Variants in GRM8 observed in about 807,000 individuals in gnomAD.
The protein encoded by GRM8 is metabotropic glutamate receptor 8.
GRM8 carries 47 observed loss-of-function variants against 87.2 expected under a neutral mutation model. The observed-to-expected ratio is 0.54, with a 90% CI of 0.43 to 0.69. The LOEUF (loss-of-function observed/expected upper bound fraction) is 0.69, where lower values mean the gene tolerates loss of function less well. Ranked by LOEUF, GRM8 falls within the 30% of genes least tolerant of loss-of-function variation. The pLI is 0.00. For synonymous variants in GRM8, 396 were observed against 404.5 expected, an observed-to-expected ratio of 0.98 and a Z score of 0.25; for missense variants, 1,019 against 1,139.2, an observed-to-expected ratio of 0.89 and a Z score of 1.52.
chr7:127,090,506 C>T (rs1275640194), intron 3 of GRM8, among the ~76,000 whole-genome samples: 7 of 152,122 alleles, frequency 4.6e-5, no homozygotes, highest in African/African-American at 1.7e-4. Flanking sequence ...ATTTTGCATC[C>T]ACTCTATTTG....
chr7:126,953,459 G>A (rs1002728960), intron 3 of GRM8, among the ~76,000 whole-genome samples: 12 of 152,056 alleles, frequency 7.9e-5, no homozygotes, highest in Admixed American at 4.6e-4. Flanking sequence ...GTGAAATACC[G>A]CCACTACATT....
chr7:126,496,898 C>T (rs1808832277), intron 9 of GRM8, among the ~76,000 whole-genome samples: 1 of 151,662 alleles, frequency 6.6e-6, no homozygotes, highest in Admixed American at 6.6e-5. Context: ...AAACAGCATA[C>T]ATGCACTGTA....
intron 9 of GRM8, among the ~76,000 whole-genome samples, chr7:126,518,233 T>C (rs1290856816): frequency 6.6e-6 from 1 of 152,116 alleles, no homozygotes; most frequent in Non-Finnish European, 1.5e-5. Context: ...AATAAGAGAT[T>C]ACTTTACACA....
chr7:126,994,824 T>G (rs1457607316), intron 3 of GRM8, among the ~76,000 whole-genome samples: 1 of 152,158 alleles, frequency 6.6e-6, no homozygotes, highest in East Asian at 1.9e-4. Flanking sequence ...GGAAACTGAC[T>G]GCCCTGAAGG....
intron 6 of GRM8, among the ~76,000 whole-genome samples, chr7:126,819,570 T>C (rs1479195918): frequency 1.3e-5 from 2 of 152,132 alleles, no homozygotes; most frequent in East Asian, 3.9e-4. Context: ...ATATAATAAA[T>C]ATTCAATAAA....
chr7:127,137,489 C>T (rs144538668), intron 2 of GRM8, among the ~76,000 whole-genome samples: 1 of 152,080 alleles, frequency 6.6e-6, no homozygotes, highest in Non-Finnish European at 1.5e-5. Flanking sequence ...TTGGTAATTG[C>T]AGTTGGCTCC....
At chr7:126,449,417 C>T (rs370066471) in intron 9 of GRM8, among the ~76,000 whole-genome samples, 1 of 151,830 alleles carries the variant, frequency 6.6e-6, no homozygotes, top group South Asian at 2.1e-4. Flanking sequence ...AAATCTCTTA[C>T]AGATACAAGA....
chr7:126,586,784 T>C lies in GRM8; in HGVS notation c.1494+22578A>G, dbSNP rs1796177987. ...CATAGGCATGGGCAAGGACTTCATG[T>C]CTAAAACACCAAAAGCAATGGCAAC... On this transcript the variant is annotated intron_variant, in intron 8 of 10. Coordinates refer to ENST00000339582, the MANE Select transcript of GRM8 (RefSeq NM_000845.3). Among the ~76,000 whole-genome samples the C allele has an allele frequency of 2.0e-5, 3 of 152,038 alleles. No individual in the cohort carries two copies. The South Asian group carries it at 6.2e-4, about 32-fold the overall frequency.
chr7:126,617,830 G>A (rs1179760844), intron 7 of GRM8, among the ~76,000 whole-genome samples: 2 of 152,052 alleles, frequency 1.3e-5, no homozygotes, highest in Admixed American at 6.5e-5. Context: ...GGGATGTGAA[G>A]GAACTCTTCA....
In GRM8 at chr7:127,149,557, C is replaced by T. The variant is rs922326081; in HGVS notation, c.511-42845G>A. On this transcript the variant is annotated intron_variant, in intron 2 of 10. Coordinates refer to ENST00000339582, the MANE Select transcript of GRM8 (RefSeq NM_000845.3). ...ACCATATGACCTAACAATCCCTCTT[C>T]TGGGCATATACCCAAGGGAAATAAA... 3.4e-4 allele frequency among the ~76,000 whole-genome samples: 51 copies of T among 152,082 alleles called. 1 individual carries two copies. The highest frequency in any genetic ancestry group is 1.1e-3 in the African/African-American group (47 of 41,438).
intron 3 of GRM8, among the ~76,000 whole-genome samples, chr7:126,985,974 C>T (rs903306977): frequency 2.0e-5 from 3 of 151,970 alleles, no homozygotes; most frequent in African/African-American, 7.2e-5. Flanking sequence ...TATATAATTC[C>T]TTTTTCATGA....
chr7:126,752,915 G>T (rs542844904), intron 7 of GRM8, among the ~76,000 whole-genome samples: 1 of 152,060 alleles, frequency 6.6e-6, no homozygotes, highest in Non-Finnish European at 1.5e-5. Flanking sequence ...ACATTTTGTA[G>T]TTGCTTGTTA....
At chr7:126,814,911 T>C (rs1793639593) in intron 6 of GRM8, among the ~76,000 whole-genome samples, 2 of 152,222 alleles carry the variant, frequency 1.3e-5, no homozygotes, top group South Asian at 4.1e-4. Context: ...CATTTCCACT[T>C]GTACCTACAT....
intron 8 of GRM8, among the ~76,000 whole-genome samples, chr7:126,567,712 C>T (rs543682807): frequency 1.3e-4 from 20 of 152,100 alleles, no homozygotes; most frequent in Non-Finnish European, 2.2e-4. Context: ...GATAAGCCTC[C>T]GGTTAGGTAA....
rs867962344 is a variant in GRM8 at position 126,823,899 on chromosome 7, C to T, written c.1157-53834G>A. Among the ~76,000 whole-genome samples the T allele has an allele frequency of 1.6e-4, 24 of 152,090 alleles. 1 individual carries two copies. Among genetic ancestry groups the T allele is most frequent in the African/African-American group, 5.8e-4 (24 of 41,414 alleles). On this transcript the variant is annotated intron_variant, in intron 6 of 10. Transcript: ENST00000339582. ...TCCAGGTCCTAAATTTGCCTTCTCTCCTAGCTGCAAATTTGGTGGCTGGTG... is the reference window on the plus strand; with the variant it reads ...TCCAGGTCCTAAATTTGCCTTCTCTTCTAGCTGCAAATTTGGTGGCTGGTG...
chr7:127,033,009 C>CT (rs5887323), intron 3 of GRM8, among the ~76,000 whole-genome samples: 12,323 of 139,892 alleles, frequency 0.088, 821 homozygotes, highest in African/African-American at 0.17. Context: ...CTTTCGTTTC[C>CT]TTTTTTTTTT....
intron 7 of GRM8, among the ~76,000 whole-genome samples, chr7:126,654,008 C>T (rs958739020): frequency 1.3e-5 from 2 of 152,180 alleles, no homozygotes; most frequent in African/African-American, 4.8e-5. Flanking sequence ...GAGTCCATAT[C>T]GTGGGATCAT....
chr7:126,975,260 G>A (rs1810876140), intron 3 of GRM8, among the ~76,000 whole-genome samples: 2 of 152,188 alleles, frequency 1.3e-5, no homozygotes, highest in Admixed American at 6.5e-5. Context: ...TCAAAGGAGA[G>A]TATAGCACAG....
At chr7:126,615,519 T>C (rs1400124862) in intron 7 of GRM8, among the ~76,000 whole-genome samples, 1 of 152,118 alleles carries the variant, frequency 6.6e-6, no homozygotes, top group Non-Finnish European at 1.5e-5. Flanking sequence ...AATTCACATA[T>C]AACAATATTA....
Sources: allele counts gnomAD v4.1 joint callset (sites outside exome capture counted in the v4.1 genomes callset), GRCh38; gene constraint gnomAD v4.1.1; transcripts MANE v1.5; gene names NCBI Gene and HGNC (gene_info 2026-07-23, HGNC 2026-07-21).